The following NFASC variants were observed in gnomAD, a reference collection of about 807,000 sequenced individuals.
NFASC encodes the protein neurofascin homolog.
A neutral mutation model predicts 147.5 loss-of-function variants in NFASC; 43 were observed. The ratio of observed to expected loss-of-function variants is 0.29; its 90% CI spans 0.23 to 0.38. The LOEUF (loss-of-function observed/expected upper bound fraction) is 0.38, where lower values mean the gene tolerates loss of function less well. Ranked by LOEUF, NFASC falls within the 10% of genes least tolerant of loss-of-function variation. The pLI is 1.00. For missense variants in NFASC, 1,320 were observed against 1,689.0 expected (o/e 0.78, Z 3.83); for synonymous variants, 622 against 665.5 (o/e 0.93, Z 1.01).
At chr1:204,833,567 T>C (rs558153340) in intron 1 of NFASC, among the ~76,000 whole-genome samples, 15 of 152,158 alleles carry the variant, frequency 9.9e-5, no homozygotes, top group Non-Finnish European at 2.1e-4. Flanking sequence ...GAAGGCATTT[T>C]TGAATGCCTT....
chr1:204,933,468 C>A (rs1305277997), intron 2 of NFASC, among the ~76,000 whole-genome samples: 1 of 152,094 alleles, frequency 6.6e-6, no homozygotes. Context: ...GGGCACATGA[C>A]CCCAATGGAG....
intron 29 of NFASC, among the ~76,000 whole-genome samples, chr1:205,013,731 G>A (rs1318782785): frequency 1.3e-5 from 2 of 152,130 alleles, no homozygotes; most frequent in Non-Finnish European, 2.9e-5. Context: ...CTATGGGAGG[G>A]AATGTCTGAT....
chr1:205,001,332 A>C, intron 26 of NFASC, 46 bp downstream of exon 26: 1 of 1,255,248 alleles, frequency 8.0e-7, no homozygotes, highest in South Asian at 1.2e-5. Context: ...CGGCGTCGGC[A>C]GCAGCGGCGG....
chr1:204,934,478 A>G (rs2092663770), intron 2 of NFASC, among the ~76,000 whole-genome samples: 2 of 152,360 alleles, frequency 1.3e-5, no homozygotes, highest in African/African-American at 2.4e-5. Context: ...AAAACCCACA[A>G]TAAGACTTGT....
intron 1 of NFASC, among the ~76,000 whole-genome samples, chr1:204,877,049 A>AT (rs1368520636): frequency 3.2e-5 from 3 of 92,588 alleles, no homozygotes; most frequent in East Asian, 1.2e-3. Context: ...ATATATATAT[A>AT]ATATATTTAT....
intron 1 of NFASC, among the ~76,000 whole-genome samples, chr1:204,862,400 T>C (rs1471593739): frequency 6.6e-6 from 1 of 152,256 alleles, no homozygotes; most frequent in Non-Finnish European, 1.5e-5. Context: ...AGGGGACTTC[T>C]TTGAAGGAGA....
intron 1 of NFASC, among the ~76,000 whole-genome samples, chr1:204,882,905 C>T (rs1013851535): frequency 2.0e-5 from 3 of 152,012 alleles, no homozygotes; most frequent in Non-Finnish European, 4.4e-5. Flanking sequence ...TATATAGACG[C>T]CCGGGGTTCT....
At chr1:204,977,230 C>T (rs1012588951) in intron 16 of NFASC, 2 of 511,154 alleles carry the variant, frequency 3.9e-6, no homozygotes, top group East Asian at 1.8e-4. Context: ...GGTAGCGTTT[C>T]ATCACATGCT....
At chr1:204,895,689 C>G (rs1222904046) in intron 1 of NFASC, among the ~76,000 whole-genome samples, 2 of 152,164 alleles carry the variant, frequency 1.3e-5, no homozygotes, top group Non-Finnish European at 2.9e-5. Context: ...ATGTTTACTT[C>G]CTGGTAATAT....
intron 25 of NFASC, chr1:204,998,756 A>G (rs1440403616): frequency 6.6e-6 from 1 of 152,170 alleles, no homozygotes; most frequent in Non-Finnish European, 1.5e-5. Context: ...GTGTCCTACA[A>G]GTGCTTTGAG....
At chr1:204,881,294 G>T (rs969012655) in intron 1 of NFASC, among the ~76,000 whole-genome samples, 14 of 152,226 alleles carry the variant, frequency 9.2e-5, no homozygotes, top group Admixed American at 5.9e-4. Flanking sequence ...GTGCAGAGCC[G>T]CTGGGCATTA....
At chr1:204,880,251 G>A (rs1012311291) in intron 1 of NFASC, among the ~76,000 whole-genome samples, 6 of 152,206 alleles carry the variant, frequency 3.9e-5, no homozygotes, top group African/African-American at 1.4e-4. Context: ...AAACACTGAA[G>A]TGAGGCCCAG....
At chr1:204,919,235 G>A (rs796479370) in intron 1 of NFASC, among the ~76,000 whole-genome samples, 39 of 152,132 alleles carry the variant, frequency 2.6e-4, no homozygotes, top group African/African-American at 8.2e-4. Flanking sequence ...ATGTTGCCCA[G>A]GGTAGTCTCA....
In NFASC at chr1:205,001,263, A is replaced by C. The variant is rs774019391; in HGVS notation, c.3113A>C (p.Asp1038Ala). 1.2e-6 allele frequency: 2 copies of C among 1,611,684 alleles called. No homozygotes were observed. The highest frequency in any genetic ancestry group is 4.5e-5 in the East Asian group (2 of 44,810). ...TWKHNFGPGT[D>A]FVVEYIDSNH... ...AAGCACAATTTCGGGCCCGGAACTG[A>C]CTTTGTGGTTGAGTACATCGACAGT... Residue 1038 changes from aspartate to alanine, a missense_variant, in exon 26 of 30, where the codon GAC becomes GCC. By Grantham distance (126) the Asp-to-Ala change is moderately radical (BLOSUM62 -2). Coordinates refer to ENST00000339876, the MANE Select transcript of NFASC (RefSeq NM_001005388.3).
intron 1 of NFASC, among the ~76,000 whole-genome samples, chr1:204,830,968 C>A (rs1362135088): frequency 6.6e-6 from 1 of 152,202 alleles, no homozygotes; most frequent in Non-Finnish European, 1.5e-5. Context: ...ACTGGCTGCA[C>A]CTTGCTTTGT....
intron 1 of NFASC, among the ~76,000 whole-genome samples, chr1:204,913,169 C>T (rs1045405341): frequency 2.0e-5 from 3 of 151,960 alleles, no homozygotes; most frequent in Non-Finnish European, 2.9e-5. Flanking sequence ...ATAATCTGTA[C>T]AACAAAATTT....
At chr1:204,838,769 C>T (rs574766199) in intron 1 of NFASC, among the ~76,000 whole-genome samples, 3 of 152,278 alleles carry the variant, frequency 2.0e-5, no homozygotes, top group East Asian at 3.9e-4. Context: ...ACAGTCATCC[C>T]GTTTATCTGG....
intron 1 of NFASC, among the ~76,000 whole-genome samples, chr1:204,919,007 C>G (rs779685475): frequency 9.2e-5 from 14 of 152,070 alleles, no homozygotes; most frequent in Middle Eastern, 3.4e-3. Flanking sequence ...CTTCTTGTCT[C>G]CCTCTCCTTG....
chr1:204,998,058 A>T (rs35068223), intron 25 of NFASC: 24,549 of 153,266 alleles, frequency 0.16, 2,215 homozygotes, highest in Non-Finnish European at 0.21. Context: ...AAGCCCTCAA[A>T]TGCAGGCATG....
Sources: gnomAD v4.1 joint callset for allele counts (sites outside exome capture counted in the v4.1 genomes callset) on GRCh38, gnomAD v4.1.1 for gene constraint, MANE v1.5 for transcripts, NCBI Gene and HGNC (gene_info 2026-07-23, HGNC 2026-07-21) for gene names.